SLC22A15: variants seen among roughly 807,000 people sequenced by gnomAD.
SLC22A15 encodes the protein solute carrier family 22 member 15.
In SLC22A15, 45 loss-of-function variants were observed where a neutral mutation model predicts 62.7. The ratio of observed to expected loss-of-function variants is 0.72; its 90% CI spans 0.56 to 0.92. The LOEUF is 0.92. Among genes scored for constraint, SLC22A15 ranks in the 40% least tolerant of loss-of-function variants. SLC22A15 has a pLI of 0.00. For missense variants in SLC22A15, 622 were observed against 665.6 expected, an observed-to-expected ratio of 0.93 and a Z score of 0.72; for synonymous variants, 264 against 267.0, an observed-to-expected ratio of 0.99 and a Z score of 0.11.
chr1:116,062,617 A>G, intron 8 of SLC22A15, 145 bp from the exon 9 acceptor site: 1 of 891,846 alleles, frequency 1.1e-6, no homozygotes, highest in South Asian at 1.6e-5. Context: ...TGATTACTAA[A>G]CCTTCTGAAT....
chr1:115,992,741 C>G (rs563154223), intron 2 of SLC22A15, among the ~76,000 whole-genome samples: 62 of 151,636 alleles, frequency 4.1e-4, no homozygotes, highest in Non-Finnish European at 7.2e-4. Context: ...CCTGCCTCAG[C>G]CTCCCGAGTA....
At chr1:116,057,799 T>C (rs1658255639) in intron 8 of SLC22A15, among the ~76,000 whole-genome samples, 1 of 151,952 alleles carries the variant, frequency 6.6e-6, no homozygotes, top group Admixed American at 6.6e-5. Context: ...CAGTAAACTA[T>C]CGCAAGGACA....
At chr1:116,056,075 G>A (rs1658199936) in intron 8 of SLC22A15, among the ~76,000 whole-genome samples, 1 of 141,630 alleles carries the variant, frequency 7.1e-6, no homozygotes, top group Non-Finnish European at 1.5e-5. Context: ...GCAGGAGAAG[G>A]AAATAAAGGA....
intron 2 of SLC22A15, among the ~76,000 whole-genome samples, chr1:115,992,574 AG>A (rs1273983364): frequency 1.3e-5 from 2 of 151,906 alleles, no homozygotes; most frequent in Non-Finnish European, 2.9e-5. Flanking sequence ...AAATTAACAC[AG>A]GGAAATGTAA....
intron 2 of SLC22A15, among the ~76,000 whole-genome samples, chr1:116,017,102 A>G (rs1169919588): frequency 1.3e-5 from 2 of 152,168 alleles, no homozygotes; most frequent in South Asian, 2.1e-4. Context: ...TCCACTAGAG[A>G]TACACTGGTG....
rs995393501 is a variant in SLC22A15, at chr1:115,976,771, G to T, written c.87+57G>T. 18 of 1,377,764 alleles carry T rather than the reference G, an allele frequency of 1.3e-5. No homozygotes were observed. In the Admixed American group the frequency reaches 3.2e-4, roughly 24 times the overall value. 85.3% of individuals were successfully genotyped at this position (1,377,764 alleles called of 1,614,324 possible). A position where few individuals can be genotyped will look rare whatever the true frequency, so the allele number is the denominator to read the frequency against. On this transcript the variant is annotated intron_variant, in intron 1 of 11. Transcript: ENST00000369503. ...CCTCTTCAGGGCCGCCCGGCGCAGG[G>T]CTAGGCGTCCGCTCCCAGACCGCCG...
chr1:116,000,328 T>C (rs1205798548), intron 2 of SLC22A15, among the ~76,000 whole-genome samples: 1 of 152,198 alleles, frequency 6.6e-6, no homozygotes, highest in East Asian at 1.9e-4. Flanking sequence ...TCTAAACTGA[T>C]GACAATTTAA....
chr1:116,000,750 G>A (rs1193675498), intron 2 of SLC22A15, among the ~76,000 whole-genome samples: 1 of 150,086 alleles, frequency 6.7e-6, no homozygotes, highest in Admixed American at 6.7e-5. Context: ...CCTGCCTCAG[G>A]CTCCCGAGTA....
intron 6 of SLC22A15, chr1:116,032,599 C>T: frequency 1.0e-6 from 1 of 985,404 alleles, no homozygotes; most frequent in Non-Finnish European, 1.2e-6. Context: ...GTGGCTGCCA[C>T]CTGTATGGTT....
chr1:116,029,400 G>T lies in SLC22A15; in HGVS notation c.729-1966G>T, dbSNP rs115786692. Among the ~76,000 whole-genome samples, 598 of 152,196 alleles carry T rather than the reference G, an allele frequency of 3.9e-3. 6 individuals carry two copies. The highest frequency in any genetic ancestry group is 0.014 in the African/African-American group (582 of 41,528). ...TAAATTAGCATTTTAGCTTTCAAAG[G>T]AGCCCACGGCACAGATGACCCTGCT... On this transcript the variant is annotated intron_variant, in intron 5 of 11. Coordinates refer to ENST00000369503, the MANE Select transcript of SLC22A15 (RefSeq NM_018420.3).
chr1:115,978,110 A>T (rs1035356605), intron 1 of SLC22A15, among the ~76,000 whole-genome samples: 2 of 152,174 alleles, frequency 1.3e-5, no homozygotes, highest in African/African-American at 4.8e-5. Context: ...ATCTTTATTT[A>T]TAACAGTTTC....
chr1:116,011,919 G>A (rs776002302), intron 2 of SLC22A15, among the ~76,000 whole-genome samples: 1 of 152,082 alleles, frequency 6.6e-6, no homozygotes, highest in Non-Finnish European at 1.5e-5. Context: ...CCCTTACCTA[G>A]ACTTCTGCAC....
intron 2 of SLC22A15, among the ~76,000 whole-genome samples, chr1:116,011,114 G>T (rs1392307625): frequency 1.3e-5 from 2 of 152,222 alleles, no homozygotes; most frequent in Admixed American, 6.5e-5. Flanking sequence ...TTTTAGAAGG[G>T]ATACAGCAGC....
intron 2 of SLC22A15, among the ~76,000 whole-genome samples, 192 bp from the exon 3 acceptor site, chr1:116,019,390 A>G (rs1656704464): frequency 6.6e-6 from 1 of 152,246 alleles, no homozygotes; most frequent in Non-Finnish European, 1.5e-5. Context: ...CATCATAATA[A>G]TAGTGATTTC....
At chr1:116,024,217 G>C (rs1396615278) in intron 4 of SLC22A15, among the ~76,000 whole-genome samples, 3 of 152,200 alleles carry the variant, frequency 2.0e-5, no homozygotes, top group Admixed American at 2.0e-4. Context: ...GGATGTGTCT[G>C]AGCTGGATTT....
At chr1:115,999,732 G>A (rs1655625642) in intron 2 of SLC22A15, among the ~76,000 whole-genome samples, 3 of 151,980 alleles carry the variant, frequency 2.0e-5, no homozygotes, top group Admixed American at 1.3e-4. Flanking sequence ...TTGAACTCTT[G>A]AGCTCAGGCA....
At chr1:116,006,134 A>G (rs1655967620) in intron 2 of SLC22A15, among the ~76,000 whole-genome samples, 1 of 152,144 alleles carries the variant, frequency 6.6e-6, no homozygotes, top group African/African-American at 2.4e-5. Flanking sequence ...TATGTATCCT[A>G]ATCTATAATT....
intron 5 of SLC22A15, among the ~76,000 whole-genome samples, chr1:116,029,942 A>T (rs1384472489): frequency 6.6e-6 from 1 of 152,204 alleles, no homozygotes; most frequent in East Asian, 1.9e-4. Context: ...ATTTAGACAT[A>T]ATCAAGTGGT....
chr1:116,053,459 A>G (rs957043269), intron 8 of SLC22A15, among the ~76,000 whole-genome samples: 1 of 152,246 alleles, frequency 6.6e-6, no homozygotes, highest in African/African-American at 2.4e-5. Flanking sequence ...GGGAGAATGG[A>G]ACCAAGTTGG....
Sources: gnomAD v4.1 joint callset for allele counts (sites outside exome capture counted in the v4.1 genomes callset) on GRCh38, gnomAD v4.1.1 for gene constraint, MANE v1.5 for transcripts, NCBI Gene and HGNC (gene_info 2026-07-23, HGNC 2026-07-21) for gene names.